The following COL5A1 variants were observed in gnomAD, a reference collection of about 807,000 sequenced individuals.
The protein encoded by COL5A1 is collagen type V alpha 1 chain.
COL5A1 carries 16 observed loss-of-function variants against 263.7 expected under a neutral mutation model. The observed-to-expected ratio is 0.06, with a 90% CI of 0.04 to 0.09. The LOEUF is 0.09. Ranked by LOEUF, COL5A1 falls within the 10% of genes least tolerant of loss-of-function variation. The probability of loss-of-function intolerance (pLI) is 1.00; values close to 1 mark genes in which losing one functional copy is unlikely to be tolerated. For missense variants in COL5A1, 2,036 were observed against 2,540.5 expected (o/e 0.80, Z 4.27); for synonymous variants, 1,012 against 1,004.5 (o/e 1.01, Z -0.14).
At chr9:134,759,203 A>AC (rs1213523275) in intron 18 of COL5A1, among the ~76,000 whole-genome samples, 1 of 149,384 alleles carries the variant, frequency 6.7e-6, no homozygotes, top group Non-Finnish European at 1.5e-5. Context: ...GTGAGTGCAC[A>AC]CCCCCCATGC....
intron 6 of COL5A1, among the ~76,000 whole-genome samples, chr9:134,729,067 C>T (rs1834764766): frequency 6.6e-6 from 1 of 152,216 alleles, no homozygotes; most frequent in Non-Finnish European, 1.5e-5. Context: ...TGGGCCCTGG[C>T]CCCGGTCCCC....
chr9:134,766,511 G>A lies in COL5A1; in HGVS notation c.2133+13G>A. The A allele has an allele frequency of 6.2e-7, 1 of 1,613,960 alleles. No individual in the cohort carries two copies. Among genetic ancestry groups the A allele is most frequent in the Non-Finnish European group, 8.5e-7 (1 of 1,179,958 alleles). On this transcript the variant is annotated intron_variant, in intron 22 of 65. Coordinates refer to ENST00000371817, the MANE Select transcript of COL5A1 (RefSeq NM_000093.5). The stretch of plus-strand genomic sequence containing the variant: ...AAAAGGAAATGTGGTAAGTCCCTGG[G>A]GTCCCGTGGCCTGGCTTCAGGGGCA...
chr9:134,812,720 T>C lies in COL5A1; in HGVS notation c.3852+8T>C. 2 of 1,539,818 alleles carry C rather than the reference T, an allele frequency of 1.3e-6. No homozygotes were observed. The highest frequency in any genetic ancestry group is 1.8e-6 in the Non-Finnish European group (2 of 1,132,458). ...GGTGCAGTGGGAGAGAAGGTGAGGC[T>C]CGTGCCTGCTCTGGTGGCAGATTTG... On this transcript the variant is annotated splice_region_variant and intron_variant, in intron 48 of 65. Transcript: ENST00000371817.
chr9:134,762,892 C>A (rs866873733), intron 19 of COL5A1, among the ~76,000 whole-genome samples: 3 of 151,548 alleles, frequency 2.0e-5, no homozygotes, highest in African/African-American at 4.9e-5. Context: ...TGTGTGTATG[C>A]GTGCATATGT....
In COL5A1 at chr9:134,840,388, G is replaced by A. The variant is rs567479305; in HGVS notation, c.5371-1769G>A. Among the ~76,000 whole-genome samples, 202 of 152,322 alleles carry A rather than the reference G, an allele frequency of 1.3e-3. 1 individual carries two copies. The highest frequency in any genetic ancestry group is 4.4e-3 in the African/African-American group (181 of 41,566). On this transcript the variant is annotated intron_variant, in intron 65 of 65. Coordinates refer to ENST00000371817, the MANE Select transcript of COL5A1 (RefSeq NM_000093.5). ...TAATAGCAGGAACGCATGCAGGGAGGTGAGCTTCATTCCTTCTCACAGCGC... is the reference window on the plus strand; with the variant it reads ...TAATAGCAGGAACGCATGCAGGGAGATGAGCTTCATTCCTTCTCACAGCGC...
intron 4 of COL5A1, among the ~76,000 whole-genome samples, chr9:134,722,291 G>T (rs571982909): frequency 6.6e-6 from 1 of 152,336 alleles, no homozygotes; most frequent in African/African-American, 2.4e-5. Flanking sequence ...AGGTCAGCCT[G>T]GGATCAGAGC....
At position 134,786,089 on chromosome 9, in the gene COL5A1, G is replaced by C. The variant is rs371556204; in HGVS notation, c.2646+41G>C. 590 of 1,557,714 alleles carry C rather than the reference G, an allele frequency of 3.8e-4. 9 individuals are homozygous for C. In the South Asian group the frequency reaches 4.9e-3, roughly 13 times the overall value. ...GTTAGGTGTCCCGGGACAGGCGGAG[G>C]GATGTTCTGCCCGGTCTCCCCACCC... On this transcript the variant is annotated intron_variant, in intron 31 of 65. Coordinates refer to ENST00000371817, the MANE Select transcript of COL5A1 (RefSeq NM_000093.5).
At position 134,824,618 on chromosome 9, in the gene COL5A1, A is replaced by G. The variant is rs373448943; in HGVS notation, c.4717A>G (p.Ile1573Val). The change falls in exon 62 of 66, where the codon ATC becomes GTC. Residue 1573 changes from isoleucine (I) to valine (V), a missense_variant. By Grantham distance (29) the Ile-to-Val change is conservative. Around this residue, in one of 3 missense-constraint regions of COL5A1, gnomAD observed 358 missense variants for 384.6 expected, o/e 0.93. Coordinates refer to ENST00000371817, the MANE Select transcript of COL5A1 (RefSeq NM_000093.5). ...CCCCCAGGGCCCCCCGGGAGAGGTC[A>G]TCCAGCCCCTGCCAATCCAGGCATC... Reference protein sequence around the residue: ...PGPPGPPGEVIQPLPIQASRT... With the variant: ...PGPPGPPGEVVQPLPIQASRT... The G allele has an allele frequency of 1.7e-4, 271 of 1,613,976 alleles. No homozygotes were observed. The highest frequency in any genetic ancestry group is 2.2e-4 in the Non-Finnish European group (261 of 1,180,028).
rs756704088 is a variant in COL5A1 at position 134,708,611 on chromosome 9, C to G, written c.654+7278C>G. On this transcript the variant is annotated intron_variant, in intron 4 of 65. Coordinates refer to ENST00000371817, the MANE Select transcript of COL5A1 (RefSeq NM_000093.5). The stretch of plus-strand genomic sequence containing the variant: ...CCCCACCCTGGCAGTGCTGAGGCAG[C>G]CCCTGGCAGCGGAACACCAGCAGGT... The G allele has an allele frequency of 6.6e-5, 34 of 518,884 alleles. No homozygotes were observed. In the East Asian group the frequency reaches 1.2e-3, roughly 18 times the overall value. 32.1% of individuals were successfully genotyped at this position (518,884 alleles called of 1,614,324 possible). A position where few individuals can be genotyped will look rare whatever the true frequency, so the allele number is the denominator to read the frequency against.
intron 13 of COL5A1, among the ~76,000 whole-genome samples, chr9:134,752,261 C>T (rs1203436768): frequency 6.6e-6 from 1 of 150,538 alleles, no homozygotes; most frequent in Non-Finnish European, 1.5e-5. Context: ...CTGACCTAGC[C>T]AAGGGTGATG....
At chr9:134,790,345 CCCACCAACCCAT>C (rs1837626749) in intron 32 of COL5A1, among the ~76,000 whole-genome samples, 1 of 135,344 alleles carries the variant, frequency 7.4e-6, no homozygotes. Flanking sequence ...CATCCACCCA[CCCACCAACCCAT>C]CCACCCATCC....
intron 1 of COL5A1, among the ~76,000 whole-genome samples, chr9:134,683,523 G>A (rs1832921627): frequency 6.6e-6 from 1 of 152,240 alleles, no homozygotes; most frequent in South Asian, 2.1e-4. Context: ...TTCAGGCACA[G>A]CTTGATCCAG....
At position 134,682,812 on chromosome 9, in the gene COL5A1, G is replaced by A. The variant is rs1588432881; in HGVS notation, c.110-8100G>A. 2.0e-5 allele frequency among the ~76,000 whole-genome samples: 3 copies of A among 152,350 alleles called. No homozygotes were observed. Among genetic ancestry groups the A allele is most frequent in the South Asian group, 4.1e-4 (2 of 4,828 alleles). On this transcript the variant is annotated intron_variant, in intron 1 of 65. Transcript: ENST00000371817. The surrounding 1 kb of genome is among the most constrained non-coding windows in gnomAD (Gnocchi z 5.1). The stretch of plus-strand genomic sequence containing the variant: ...TGCATTTGTTGGCAAAAAGGAGCAG[G>A]CTCTGATGGATCGCAAATGCCCAGC...
At chr9:134,795,912 C>T (rs555964775) in intron 34 of COL5A1, among the ~76,000 whole-genome samples, 7 of 152,318 alleles carry the variant, frequency 4.6e-5, no homozygotes, top group African/African-American at 1.4e-4. Flanking sequence ...CTCGGCTGAC[C>T]GGAATGCACC....
At chr9:134,727,750 T>C (rs1019523338) in intron 5 of COL5A1, among the ~76,000 whole-genome samples, 31 of 152,174 alleles carry the variant, frequency 2.0e-4, no homozygotes, top group Non-Finnish European at 4.1e-4. Context: ...GGAGGGGCCA[T>C]GTGCAGCTCG....
rs2132806641 is a variant in COL5A1, at chr9:134,796,421, A to G, written c.2844+3A>G. 6.2e-7 allele frequency: 1 copy of G among 1,614,046 alleles called. No homozygotes were observed. Among genetic ancestry groups the G allele is most frequent in the East Asian group, 2.2e-5 (1 of 44,872 alleles). On this transcript the variant is annotated splice_donor_region_variant and intron_variant, in intron 35 of 65. Transcript: ENST00000371817. ...CAGCTGGCCCTCCTGGTGAACGGGT[A>G]AGCAGCTGGAGCCTTCGGGGGTGTC...
At position 134,754,500 on chromosome 9, in the gene COL5A1, G is replaced by A. The variant is rs1019621022; in HGVS notation, c.1827+174G>A. On this transcript the variant is annotated intron_variant, in intron 16 of 65. Transcript: ENST00000371817. This position sits in a 1 kb window ranked among gnomAD's most constrained non-coding sequence, Gnocchi z 4.3. The stretch of plus-strand genomic sequence containing the variant: ...CTGCCTCTGAGCCAGCTGCCTGGGA[G>A]GGGCGCTCTGTGTCCTGGGCGCAGA... Among the ~76,000 whole-genome samples the A allele has an allele frequency of 6.6e-6, 1 of 152,262 alleles. No homozygotes were observed. The highest frequency in any genetic ancestry group is 2.4e-5 in the African/African-American group (1 of 41,472).
At chr9:134,792,884 T>C (rs960724974) in intron 32 of COL5A1, among the ~76,000 whole-genome samples, 9 of 30,500 alleles carry the variant, frequency 3.0e-4, no homozygotes, top group African/African-American at 9.7e-4. Context: ...TGTGCACACG[T>C]GTGTGTGCGC....
chr9:134,822,728 C>CCCCCCG (rs71499198), intron 59 of COL5A1, among the ~76,000 whole-genome samples: 1 of 151,366 alleles, frequency 6.6e-6, no homozygotes, highest in Admixed American at 6.6e-5. Context: ...GCGCCCCCCC[C>CCCCCCG]GCGGCTGTCT....
Sources: allele counts gnomAD v4.1 joint callset (sites outside exome capture counted in the v4.1 genomes callset), GRCh38; gene constraint gnomAD v4.1.1; regional missense constraint gnomAD v4.1.1; non-coding constraint Gnocchi (gnomAD v3.1); transcripts MANE v1.5; gene names NCBI Gene and HGNC (gene_info 2026-07-23, HGNC 2026-07-21).